LRP1B: variants seen among roughly 807,000 people sequenced by gnomAD.
LRP1B encodes the protein low-density lipoprotein receptor-related protein 1B.
Under a neutral mutation model 556.6 loss-of-function variants are expected in LRP1B, and 217 were observed. The observed-to-expected ratio is 0.39, with a 90% confidence interval of 0.35 to 0.44. The LOEUF (loss-of-function observed/expected upper bound fraction) is 0.44, where lower values mean the gene tolerates loss of function less well. Among genes scored for constraint, LRP1B ranks in the 20% least tolerant of loss-of-function variants. The pLI is 1.00. For synonymous variants in LRP1B, 2,047 were observed against 1,865.8 expected, an observed-to-expected ratio of 1.10 and a Z score of -2.50; for missense variants, 5,053 against 5,620.8, an observed-to-expected ratio of 0.90 and a Z score of 3.23.
chr2:141,237,455 C>T (rs1186229585), intron 5 of LRP1B, among the ~76,000 whole-genome samples: 1 of 151,220 alleles, frequency 6.6e-6, no homozygotes, highest in African/African-American at 2.4e-5. Flanking sequence ...ATCCTCCTTC[C>T]TTGGCCTCCC....
intron 3 of LRP1B, among the ~76,000 whole-genome samples, chr2:141,424,293 A>G (rs1383742451): frequency 6.6e-6 from 1 of 152,046 alleles, no homozygotes; most frequent in Non-Finnish European, 1.5e-5. Flanking sequence ...TTGTACTTTT[A>G]GTAGAGACGG....
chr2:142,096,333 A>G (rs1706367038), intron 1 of LRP1B, among the ~76,000 whole-genome samples: 1 of 151,724 alleles, frequency 6.6e-6, no homozygotes, highest in Admixed American at 6.6e-5. Flanking sequence ...AGGAGTTTAA[A>G]GTAAACCAAA....
At chr2:141,798,474 C>T (rs1304287658) in intron 2 of LRP1B, among the ~76,000 whole-genome samples, 2 of 151,848 alleles carry the variant, frequency 1.3e-5, no homozygotes, top group African/African-American at 2.4e-5. Flanking sequence ...TCTGGGGGGC[C>T]GAGGCAGGTG....
intron 2 of LRP1B, among the ~76,000 whole-genome samples, chr2:141,746,728 C>T (rs1388674715): frequency 6.6e-6 from 1 of 151,928 alleles, no homozygotes; most frequent in African/African-American, 2.4e-5. Context: ...CCATCTTGCT[C>T]CACCCCCATT....
At chr2:141,624,602 AATAG>A (rs1688635010) in intron 2 of LRP1B, among the ~76,000 whole-genome samples, 1 of 152,236 alleles carries the variant, frequency 6.6e-6, no homozygotes, top group Non-Finnish European at 1.5e-5. Context: ...TCTATCTATA[AATAG>A]ATAGATATAG....
intron 1 of LRP1B, among the ~76,000 whole-genome samples, chr2:141,840,509 G>A (rs1375049297): frequency 1.3e-5 from 2 of 151,730 alleles, no homozygotes; most frequent in Admixed American, 6.6e-5. Flanking sequence ...CGCCCGCCTC[G>A]GCCTCCCAAA....
chr2:141,532,513 T>A (rs1238010062), intron 2 of LRP1B, among the ~76,000 whole-genome samples: 5 of 152,078 alleles, frequency 3.3e-5, no homozygotes, highest in Admixed American at 3.3e-4. Context: ...TTTTTATTTT[T>A]TTTTTCAGCA....
intron 43 of LRP1B, among the ~76,000 whole-genome samples, chr2:140,546,532 C>A (rs978989333): frequency 3.3e-5 from 5 of 152,090 alleles, no homozygotes; most frequent in African/African-American, 1.2e-4. Flanking sequence ...AGGAGAAGTG[C>A]AGAGCAAAGA....
intron 18 of LRP1B, among the ~76,000 whole-genome samples, chr2:140,977,700 A>G (rs557680638): frequency 7.9e-4 from 120 of 152,234 alleles, no homozygotes; most frequent in Non-Finnish European, 1.3e-4. Context: ...GACTGACTGG[A>G]TCAGAGACTC....
intron 40 of LRP1B, 40 bp from the exon 41 acceptor site, chr2:140,700,661 TTTTTC>T (rs766945716): frequency 2.2e-5 from 35 of 1,580,626 alleles, no homozygotes; most frequent in Non-Finnish European, 2.8e-5. Context: ...CATGTTTATG[TTTTTC>T]TTTTGTTTTT....
In LRP1B at chr2:140,622,719, AG is replaced by A. The variant is rs570046588; in HGVS notation, c.6800-21081del. Among the ~76,000 whole-genome samples, 17 of 152,292 alleles carry A rather than the reference AG, an allele frequency of 1.1e-4. No individual in the cohort carries two copies. The East Asian group carries it at 3.1e-3, about 28-fold the overall frequency. Reference sequence around the variant, plus strand: ...GAAAGAATCTAAAGAGACAATAACGAGGGGTAATACAAAAAAGAATGAATGG... The same window carrying A: ...GAAAGAATCTAAAGAGACAATAACGAGGGTAATACAAAAAAGAATGAATGG... On this transcript the variant is annotated intron_variant, in intron 41 of 90. Transcript: ENST00000389484.
At chr2:140,263,637 A>C (rs1450229448) in intron 86 of LRP1B, among the ~76,000 whole-genome samples, 1 of 152,126 alleles carries the variant, frequency 6.6e-6, no homozygotes, top group Admixed American at 6.6e-5. Flanking sequence ...TCTACCTTCC[A>C]CAAAACACTA....
At chr2:140,954,263 C>CAGTGTAGAAGATGTACTGT (rs1695807924) in intron 18 of LRP1B, among the ~76,000 whole-genome samples, 1 of 152,108 alleles carries the variant, frequency 6.6e-6, no homozygotes, top group Admixed American at 6.5e-5. Context: ...GGATGTACTG[C>CAGTGTAGAAGATGTACTGT]AGTGTAGAAG....
intron 1 of LRP1B, among the ~76,000 whole-genome samples, chr2:141,844,873 G>A (rs1343788761): frequency 6.6e-6 from 1 of 151,824 alleles, no homozygotes; most frequent in Non-Finnish European, 1.5e-5. Context: ...AAAAGCATTT[G>A]AGATGCTATG....
At chr2:141,376,797 A>G (rs1357286903) in intron 3 of LRP1B, among the ~76,000 whole-genome samples, 1 of 152,186 alleles carries the variant, frequency 6.6e-6, no homozygotes, top group African/African-American at 2.4e-5. Context: ...ATTAAATTTT[A>G]TAAAATTATC....
At chr2:140,952,690 T>C (rs1352737396) in intron 18 of LRP1B, among the ~76,000 whole-genome samples, 1 of 152,110 alleles carries the variant, frequency 6.6e-6, no homozygotes, top group East Asian at 1.9e-4. Flanking sequence ...CCAATTTGAA[T>C]ATCAATAAAT....
At chr2:142,114,132 A>C (rs1707102891) in intron 1 of LRP1B, among the ~76,000 whole-genome samples, 1 of 152,130 alleles carries the variant, frequency 6.6e-6, no homozygotes, top group South Asian at 2.1e-4. Flanking sequence ...GTTCTGATCA[A>C]ATCCTTTGCT....
At chr2:140,578,466 C>T (rs1424133279) in intron 43 of LRP1B, among the ~76,000 whole-genome samples, 1 of 152,188 alleles carries the variant, frequency 6.6e-6, no homozygotes, top group Non-Finnish European at 1.5e-5. Context: ...TACTTCTCCT[C>T]CAGCCACCCT....
At chr2:140,600,335 C>T (rs1219823447) in intron 42 of LRP1B, among the ~76,000 whole-genome samples, 4 of 152,064 alleles carry the variant, frequency 2.6e-5, no homozygotes. Flanking sequence ...GGAGCAGTCT[C>T]CCAAGCTCCA....
Sources: allele counts gnomAD v4.1 joint callset (sites outside exome capture counted in the v4.1 genomes callset), GRCh38; gene constraint gnomAD v4.1.1; transcripts MANE v1.5; gene names NCBI Gene and HGNC (gene_info 2026-07-23, HGNC 2026-07-21).